NUP98: variants seen among roughly 807,000 people sequenced by gnomAD.
NUP98 encodes the protein nucleoporin 98 and 96 precursor.
NUP98 carries 26 observed loss-of-function variants against 191.9 expected under a neutral mutation model. That is an observed-to-expected ratio of 0.14 (90% confidence interval 0.10 to 0.19). NUP98 has a LOEUF of 0.19. NUP98 is among the 10% of genes least tolerant of loss of function. The pLI is 1.00. For synonymous variants in NUP98, 808 were observed against 778.4 expected (o/e 1.04, Z -0.63); for missense variants, 1,941 against 2,178.8 (o/e 0.89, Z 2.17).
At position 3,695,581 on chromosome 11, in the gene NUP98, T is replaced by C. The variant is rs375496765; in HGVS notation, c.4035A>G (p.Leu1345=). ...QSGDHRLALL[L]SQFVGSQSVR... ...CTGACTGGCTACCCACAAACTGAGATAAAAGAAGAGCAAGACGATGATCCC... is the reference window on the plus strand; with the variant it reads ...CTGACTGGCTACCCACAAACTGAGACAAAAGAAGAGCAAGACGATGATCCC... The change falls in exon 26 of 33, where the codon TTA becomes TTG. Residue 1345 remains leucine (L), a synonymous_variant. Transcript: ENST00000324932. 93 of 1,596,460 alleles carry C rather than the reference T, an allele frequency of 5.8e-5. No homozygotes were observed. In the East Asian group the frequency reaches 9.3e-4, roughly 16 times the overall value.
Position 3,724,685 on chromosome 11 carries a change from T to C in NUP98, c.1847+418A>G, listed in dbSNP as rs1025937791. On this transcript the variant is annotated intron_variant, in intron 15 of 32. Coordinates refer to ENST00000324932, the MANE Select transcript of NUP98 (RefSeq NM_016320.5). Reference sequence around the variant, plus strand: ...GCGGGTGCCTGTATTCCCAGCTACATGGGAGGGTGAGGCAGGAGAATCGCT... The same window carrying C: ...GCGGGTGCCTGTATTCCCAGCTACACGGGAGGGTGAGGCAGGAGAATCGCT... Among the ~76,000 whole-genome samples, 51 of 147,218 alleles carry C rather than the reference T, an allele frequency of 3.5e-4. 1 individual carries two copies. The highest frequency in any genetic ancestry group is 1.3e-3 in the African/African-American group (51 of 39,680).
rs2078750160 is a variant in NUP98, at chr11:3,702,806, C to G, written c.3169G>C (p.Ala1057Pro). The G allele has an allele frequency of 6.2e-7, 1 of 1,614,014 alleles. No individual in the cohort carries two copies. The highest frequency in any genetic ancestry group is 1.7e-5 in the Admixed American group (1 of 59,998). ...GTGGATGGGATATTCATTAAAGATG[C>G]TGCTCTGGGAGTACGACATTCTTGC... Reference protein sequence around the residue: ...SVQECRTPRAASLMNIPSTSS... With the variant: ...SVQECRTPRAPSLMNIPSTSS... The change falls in exon 23 of 33, where the codon GCA becomes CCA. Residue 1057 changes from alanine to proline, a missense_variant. By Grantham distance (27) the Ala-to-Pro change is conservative. Transcript: ENST00000324932.
rs137931987 is a variant in NUP98, at chr11:3,693,260, G to A, written c.4283C>T (p.Ala1428Val). Residue 1428 changes from alanine (A) to valine (V), a missense_variant, in exon 27 of 33, where the codon GCG (alanine) becomes GTG (valine). Physicochemically the swap from Ala to Val is moderately conservative, Grantham distance 64 (BLOSUM62 0). Transcript: ENST00000324932. ...AAATGCTTCTTCATACATGCTGAGCGCCCTAGAAATGGAGGCTGTTGGTGG... is the reference window on the plus strand; with the variant it reads ...AAATGCTTCTTCATACATGCTGAGCACCCTAGAAATGGAGGCTGTTGGTGG... ...LLPPTASISR[A>V]LSMYEEAFQN... 564 of 1,614,120 alleles carry A rather than the reference G, an allele frequency of 3.5e-4. 6 individuals carry two copies. The Admixed American group carries it at 8.2e-3, about 23-fold the overall frequency.
chr11:3,780,992 A>G (rs1045989504), intron 2 of NUP98, among the ~76,000 whole-genome samples: 1 of 151,984 alleles, frequency 6.6e-6, no homozygotes, highest in Non-Finnish European at 1.5e-5. Flanking sequence ...AGGCAGGAGA[A>G]CTGCTTGAAC....
intron 14 of NUP98, among the ~76,000 whole-genome samples, chr11:3,729,146 T>C (rs1190079831): frequency 6.6e-6 from 1 of 152,032 alleles, no homozygotes; most frequent in Non-Finnish European, 1.5e-5. Context: ...AGATAAAAAT[T>C]TGGGAATCAT....
At chr11:3,781,386 T>C (rs1444817834) in intron 2 of NUP98, 5 of 151,374 alleles carry the variant, frequency 3.3e-5, no homozygotes, top group African/African-American at 1.2e-4. Flanking sequence ...AGTATAAACA[T>C]TTTTAACAAA....
chr11:3,699,532 C>T (rs2078613547), intron 24 of NUP98, among the ~76,000 whole-genome samples, 184 bp from the exon 25 acceptor site: 1 of 152,188 alleles, frequency 6.6e-6, no homozygotes, highest in African/African-American at 2.4e-5. Context: ...TCCAGAAGTA[C>T]ATAGTATAAA....
chr11:3,686,119 G>T lies in NUP98; in HGVS notation c.4530C>A (p.His1510Gln), dbSNP rs1284074816. 6.2e-7 allele frequency: 1 copy of T among 1,614,120 alleles called. No homozygotes were observed. The highest frequency in any genetic ancestry group is 8.5e-7 in the Non-Finnish European group (1 of 1,180,064). Reference sequence around the variant, plus strand: ...TAAGAGCCCTCAGCACTTCCCACAAGTGCCAGCTTAGGCGGTAGTCCAAAG... The same window carrying T: ...TAAGAGCCCTCAGCACTTCCCACAATTGCCAGCTTAGGCGGTAGTCCAAAG... Reference protein sequence around the residue: ...ADPLDYRLSWHLWEVLRALNY... With the variant: ...ADPLDYRLSWQLWEVLRALNY... Residue 1510 changes from histidine to glutamine, a missense_variant, in exon 29 of 33, where the codon CAC (histidine) becomes CAA (glutamine). Around this residue, in one of 6 missense-constraint regions of NUP98, gnomAD observed 1,030 missense variants for 1,115.8 expected, o/e 0.92. Coordinates refer to ENST00000324932, the MANE Select transcript of NUP98 (RefSeq NM_016320.5).
At chr11:3,753,541 T>G in intron 10 of NUP98, 133 bp from the exon 11 acceptor site, 1 of 624,112 alleles carries the variant, frequency 1.6e-6, no homozygotes. Context: ...TCCTAACTTG[T>G]AGGATAACTT....
intron 4 of NUP98, among the ~76,000 whole-genome samples, chr11:3,776,486 C>CTT (rs35086418): frequency 5.3e-5 from 7 of 133,270 alleles, no homozygotes; most frequent in Admixed American, 7.6e-5. Flanking sequence ...ATAGAAATTT[C>CTT]TTTTTTTTTT....
rs1454115139 is a variant in NUP98 at position 3,695,561 on chromosome 11, T to G, written c.4055A>C (p.Gln1352Pro). The change falls in exon 26 of 33, where the codon CAG becomes CCG. Residue 1352 changes from glutamine to proline, a missense_variant. Physicochemically the swap from Gln to Pro is moderately conservative, Grantham distance 76. Around this residue, in one of 6 missense-constraint regions of NUP98, gnomAD observed 1,030 missense variants for 1,115.8 expected, o/e 0.92. Coordinates refer to ENST00000324932, the MANE Select transcript of NUP98 (RefSeq NM_016320.5). ...CATGGTGAGCAGCTCCCGGACTGACTGGCTACCCACAAACTGAGATAAAAG... is the reference window on the plus strand; with the variant it reads ...CATGGTGAGCAGCTCCCGGACTGACGGGCTACCCACAAACTGAGATAAAAG... ...ALLLSQFVGS[Q>P]SVRELLTMQL... 4 of 1,604,948 alleles carry G rather than the reference T, an allele frequency of 2.5e-6. No homozygotes were observed. The highest frequency in any genetic ancestry group is 3.4e-6 in the Non-Finnish European group (4 of 1,176,000).
intron 7 of NUP98, 48 bp downstream of exon 7, chr11:3,771,700 G>C (rs2081537624): frequency 6.5e-7 from 1 of 1,530,718 alleles, no homozygotes; most frequent in East Asian, 2.3e-5. Context: ...TTTAGTTTTA[G>C]TTATCTGTCT....
intron 1 of NUP98, among the ~76,000 whole-genome samples, chr11:3,793,592 A>G (rs2082427059): frequency 6.6e-6 from 1 of 151,956 alleles, no homozygotes; most frequent in African/African-American, 2.4e-5. Flanking sequence ...GCCAGCTACC[A>G]CTATATTTTT....
rs532133445 is a variant in NUP98, at chr11:3,769,953, G to T, written c.785-1209C>A. On this transcript the variant is annotated intron_variant, in intron 7 of 32. Transcript: ENST00000324932. ...CAGCTACTTCAGATGCTGAGGCAGA[G>T]AATCGCTTGAACCCAGGAGGTGGAG... Among the ~76,000 whole-genome samples, 4 of 150,398 alleles carry T rather than the reference G, an allele frequency of 2.7e-5. No homozygotes were observed. In the South Asian group the frequency reaches 8.4e-4, roughly 32 times the overall value.
Position 3,675,937 on chromosome 11 carries a change from G to T in NUP98, c.*222C>A, listed in dbSNP as rs1301649704. ...AAGGAAAAACACTGAATGATCTTGAGGATGGTAAACTGTCTCCTCTTCTGG... is the reference window on the plus strand; with the variant it reads ...AAGGAAAAACACTGAATGATCTTGATGATGGTAAACTGTCTCCTCTTCTGG... On this transcript the variant is annotated 3_prime_UTR_variant, in exon 33 of 33. Coordinates refer to ENST00000324932, the MANE Select transcript of NUP98 (RefSeq NM_016320.5). 3.5e-6 allele frequency: 2 copies of T among 572,234 alleles called. No individual in the cohort carries two copies. The highest frequency in any genetic ancestry group is 3.7e-5 in the African/African-American group (2 of 53,462). 35.4% of individuals were successfully genotyped at this position (572,234 alleles called of 1,614,324 possible).
At chr11:3,720,208 T>C (rs1215509429) in intron 17 of NUP98, among the ~76,000 whole-genome samples, 2 of 152,188 alleles carry the variant, frequency 1.3e-5, no homozygotes, top group Admixed American at 6.5e-5. Context: ...TTTAATACAA[T>C]ATAGCACAGT....
rs112519818 is a variant in NUP98 at position 3,725,877 on chromosome 11, G to A, written c.1731-658C>T. 4.7e-3 allele frequency among the ~76,000 whole-genome samples: 712 copies of A among 152,172 alleles called. 2 individuals carry two copies. The highest frequency in any genetic ancestry group is 0.016 in the African/African-American group (679 of 41,528). On this transcript the variant is annotated intron_variant, in intron 14 of 32. Coordinates refer to ENST00000324932, the MANE Select transcript of NUP98 (RefSeq NM_016320.5). ...CACGCTGGTGTGTAGTGGTACAATC[G>A]CTGATCATGGCTCACTACAGCCTTG... is the stretch of plus-strand genomic sequence containing the variant.
At position 3,712,574 on chromosome 11, in the gene NUP98, G is replaced by A; in HGVS notation, c.2732C>T (p.Pro911Leu). 2 of 1,613,884 alleles carry A rather than the reference G, an allele frequency of 1.2e-6. No homozygotes were observed. The highest frequency in any genetic ancestry group is 8.5e-7 in the Non-Finnish European group (1 of 1,179,916). Residue 911 changes from proline (P) to leucine (L), a missense_variant, in exon 20 of 33, where the codon CCT becomes CTT. By Grantham distance (98) the Pro-to-Leu change is moderately conservative. Transcript: ENST00000324932. ...TCCTTTTTTCTCTACCTGAGGTGGA[G>A]GTGCAGGTTTGCCATTAAGAGCCAT... ...LQMALNGKPA[P>L]PPQSQSPEVE...
At chr11:3,729,180 C>G (rs2079736322) in intron 14 of NUP98, among the ~76,000 whole-genome samples, 1 of 151,938 alleles carries the variant, frequency 6.6e-6, no homozygotes, top group Non-Finnish European at 1.5e-5. Context: ...ATATTTAAAG[C>G]CATGAGAATA....
Sources: allele counts gnomAD v4.1 joint callset (sites outside exome capture counted in the v4.1 genomes callset), GRCh38; gene constraint gnomAD v4.1.1; regional missense constraint gnomAD v4.1.1; transcripts MANE v1.5; gene names NCBI Gene and HGNC (gene_info 2026-07-23, HGNC 2026-07-21).